Variants in COL4A3 observed in about 807,000 individuals in gnomAD.
COL4A3 encodes collagen alpha-3(IV) chain.
In COL4A3, 135 loss-of-function variants were observed where a neutral mutation model predicts 217.4. The ratio of observed to expected loss-of-function variants is 0.62; its 90% CI spans 0.54 to 0.72. The LOEUF (loss-of-function observed/expected upper bound fraction) is 0.72, where lower values mean the gene tolerates loss of function less well. Ranked by LOEUF, COL4A3 falls within the 30% of genes least tolerant of loss-of-function variation. The probability of loss-of-function intolerance (pLI) is 0.00; values close to 1 mark genes in which losing one functional copy is unlikely to be tolerated. For synonymous variants in COL4A3, 690 were observed against 736.3 expected (o/e 0.94, Z 1.02); for missense variants, 1,868 against 2,119.9 (o/e 0.88, Z 2.33).
intron 47 of COL4A3, chr2:227,305,312 C>A: frequency 2.0e-6 from 1 of 495,898 alleles, no homozygotes; most frequent in East Asian, 3.9e-5. Flanking sequence ...AACTGATGCA[C>A]AGTTTAGCCT....
chr2:227,265,865 G>A (rs925246208), intron 21 of COL4A3: 2 of 157,968 alleles, frequency 1.3e-5, no homozygotes, highest in Non-Finnish European at 2.8e-5. Context: ...GGAGTCCTCA[G>A]TAAACTTACA....
chr2:227,241,046 G>A (rs79769945), intron 3 of COL4A3, among the ~76,000 whole-genome samples: 2,996 of 152,116 alleles, frequency 0.02, 92 homozygotes, highest in African/African-American at 0.069. Context: ...CTTCCTTTGT[G>A]GGTTTCTCTT....
At chr2:227,274,499 CTT>C (rs745900795) in intron 26 of COL4A3, among the ~76,000 whole-genome samples, 21 of 140,480 alleles carry the variant, frequency 1.5e-4, no homozygotes, top group Admixed American at 2.2e-4. Context: ...TTTGGAGCTG[CTT>C]TTTTTTTTTT....
intron 1 of COL4A3, among the ~76,000 whole-genome samples, chr2:227,231,290 G>C (rs1396789248): frequency 6.6e-6 from 1 of 152,212 alleles, no homozygotes; most frequent in African/African-American, 2.4e-5. Flanking sequence ...TGCAATAGCA[G>C]CTCAGAGCTG....
intron 1 of COL4A3, among the ~76,000 whole-genome samples, chr2:227,220,136 A>ATGTGTGTGTGTGTGTGTG (rs35199710): frequency 1.6e-5 from 2 of 127,088 alleles, no homozygotes; most frequent in African/African-American, 3.3e-5. Context: ...AGGCGGTTTT[A>ATGTGTGTGTGTGTGTGTG]TGTGTGTGTG....
chr2:227,171,971 T>C (rs6754366), intron 1 of COL4A3, among the ~76,000 whole-genome samples: 6,199 of 152,296 alleles, frequency 0.041, 200 homozygotes, highest in Admixed American at 0.083. Context: ...GCTGTCCGCA[T>C]GCGCAGTGGC....
At chr2:227,205,642 A>G (rs892449238) in intron 1 of COL4A3, among the ~76,000 whole-genome samples, 2 of 152,344 alleles carry the variant, frequency 1.3e-5, no homozygotes, top group South Asian at 2.1e-4. Flanking sequence ...ATATTTATCA[A>G]TAATAGTATT....
At chr2:227,167,676 A>T (rs1397822657) in intron 1 of COL4A3, among the ~76,000 whole-genome samples, 1 of 152,232 alleles carries the variant, frequency 6.6e-6, no homozygotes, top group African/African-American at 2.4e-5. Context: ...TCATTTTCAA[A>T]TTTAAGCACT....
At chr2:227,245,080 T>G in intron 5 of COL4A3, 85 bp downstream of exon 5, 2 of 1,262,450 alleles carry the variant, frequency 1.6e-6, no homozygotes, top group Admixed American at 3.4e-5. Flanking sequence ...TGCAAGAAAA[T>G]GTGTTCTGAT....
intron 1 of COL4A3, among the ~76,000 whole-genome samples, chr2:227,199,150 G>T (rs1273657826): frequency 6.6e-6 from 1 of 152,192 alleles, no homozygotes; most frequent in Non-Finnish European, 1.5e-5. Flanking sequence ...TTACCAGTAA[G>T]TCAAGGTTGG....
At chr2:227,214,588 T>C (rs2067456384) in intron 1 of COL4A3, among the ~76,000 whole-genome samples, 1 of 152,270 alleles carries the variant, frequency 6.6e-6, no homozygotes, top group Admixed American at 6.5e-5. Context: ...TTTTATTCCT[T>C]AGGCCAGAGC....
rs753945261 is a variant in COL4A3, at chr2:227,297,699, A to T, written c.3591A>T (p.Pro1197=). 1.9e-6 allele frequency: 3 copies of T among 1,609,048 alleles called. No homozygotes were observed. The highest frequency in any genetic ancestry group is 2.5e-6 in the Non-Finnish European group (3 of 1,178,322). Residue 1197 remains proline (P), a synonymous_variant, in exon 42 of 52, where the codon CCA becomes CCT. Coordinates refer to ENST00000396578, the MANE Select transcript of COL4A3 (RefSeq NM_000091.5). ...AQGAKGDRGA[P]GFPGLPGRKG... ...GAGCCAAAGGAGACAGGGGAGCCCC[A>T]GGTTTTCCTGGCCTCCCGGGCAGAA...
chr2:227,266,573 T>A, intron 22 of COL4A3, 64 bp downstream of exon 22: 1 of 1,291,170 alleles, frequency 7.7e-7, no homozygotes, highest in South Asian at 1.2e-5. Flanking sequence ...TATCACTGAT[T>A]TTTCCCCCTG....
chr2:227,281,738 A>T (rs1179752836), intron 31 of COL4A3: 1 of 152,476 alleles, frequency 6.6e-6, no homozygotes, highest in Non-Finnish European at 1.5e-5. Context: ...CTTCTGCAGG[A>T]AACAGAGTGA....
chr2:227,270,868 C>T lies in COL4A3; in HGVS notation c.1674C>T (p.Leu558=), dbSNP rs762241502. 8.1e-6 allele frequency: 13 copies of T among 1,614,028 alleles called. No individual in the cohort carries two copies. In the East Asian group the frequency reaches 8.9e-5, roughly 11 times the overall value. Residue 558 remains leucine, a synonymous_variant, in exon 25 of 52, where the codon CTC becomes CTT. Transcript: ENST00000396578. ...TGGGTGTCCCAGGTGACCCGGGGCT[C>T]AGAGGCCAACCTGGGAGAAAGGGCT... is the stretch of plus-strand genomic sequence containing the variant. ...GQVGVPGDPG[L]RGQPGRKGLD...
chr2:227,290,357 G>T (rs1324854173), intron 36 of COL4A3, among the ~76,000 whole-genome samples: 2 of 152,134 alleles, frequency 1.3e-5, no homozygotes, highest in African/African-American at 4.8e-5. Flanking sequence ...AAAAATAGCT[G>T]GGTGTGGTGG....
Position 227,253,586 on chromosome 2 carries a change from C to G in COL4A3, c.713C>G (p.Pro238Arg), listed in dbSNP as rs776059644. ...GGTGTGAAAGGGTTAACAGGACCCC[C>G]GGGACCACCAGGAACAGTTATTGTG... ...ERGVKGLTGPPGPPGTVIVTL... is the reference protein window; with the variant it reads ...ERGVKGLTGPRGPPGTVIVTL... The change falls in exon 13 of 52, where the codon CCG becomes CGG. Residue 238 changes from proline to arginine, a missense_variant. Coordinates refer to ENST00000396578, the MANE Select transcript of COL4A3 (RefSeq NM_000091.5). The surrounding 1 kb of genome is among the most constrained non-coding windows in gnomAD (Gnocchi z 4.4). 10 of 1,613,886 alleles carry G rather than the reference C, an allele frequency of 6.2e-6. No individual in the cohort carries two copies. The South Asian group carries it at 7.7e-5, about 12-fold the overall frequency.
chr2:227,309,772 T>A (rs2073669976), intron 50 of COL4A3, among the ~76,000 whole-genome samples: 1 of 151,982 alleles, frequency 6.6e-6, no homozygotes, highest in Non-Finnish European at 1.5e-5. Context: ...CAGCTAATTT[T>A]TGTATTTTTG....
chr2:227,284,149 T>G, intron 33 of COL4A3, 62 bp from the exon 34 acceptor site: 1 of 1,611,038 alleles, frequency 6.2e-7, no homozygotes. Context: ...ACTGCCAACT[T>G]TTTAATCCCT....
Sources: allele counts gnomAD v4.1 joint callset (sites outside exome capture counted in the v4.1 genomes callset), GRCh38; gene constraint gnomAD v4.1.1; non-coding constraint Gnocchi (gnomAD v3.1); transcripts MANE v1.5; gene names NCBI Gene and HGNC (gene_info 2026-07-23, HGNC 2026-07-21).